Variants in ZFHX3 observed in about 807,000 individuals in gnomAD.
ZFHX3 encodes the protein zinc finger homeobox protein 3.
In ZFHX3, 42 loss-of-function variants were observed where a neutral mutation model predicts 279.1. The observed-to-expected ratio is 0.15, with a 90% CI of 0.12 to 0.19. The LOEUF (loss-of-function observed/expected upper bound fraction) is 0.19, where lower values mean the gene tolerates loss of function less well. Among genes scored for constraint, ZFHX3 ranks in the 10% least tolerant of loss-of-function variants. ZFHX3 has a pLI of 1.00. For missense variants in ZFHX3, 4,981 were observed against 4,754.0 expected (o/e 1.05, Z -1.40); for synonymous variants, 2,293 against 1,957.8 (o/e 1.17, Z -4.52).
At chr16:73,695,952 A>G (rs1012931478) in intron 1 of ZFHX3, among the ~76,000 whole-genome samples, 1 of 152,226 alleles carries the variant, frequency 6.6e-6, no homozygotes, top group Admixed American at 6.5e-5. Context: ...AGGGAGGTGG[A>G]AACTGTCTTA....
At chr16:72,924,973 C>T (rs1331204019) in intron 3 of ZFHX3, among the ~76,000 whole-genome samples, 1 of 152,152 alleles carries the variant, frequency 6.6e-6, no homozygotes, top group Non-Finnish European at 1.5e-5. Context: ...CTTACTCCGG[C>T]GCCCCAGCTG....
At position 73,462,816 on chromosome 16, in the gene ZFHX3, C is replaced by T. The variant is rs544067054; in HGVS notation, c.-1546-6558G>A. Among the ~76,000 whole-genome samples the T allele has an allele frequency of 7.2e-5, 11 of 152,170 alleles. 1 individual carries two copies. In the South Asian group the frequency reaches 1.2e-3, roughly 17 times the overall value. ...ATTATATAATGTTGAATTCTATTTG[C>T]GAACACTTTGTTAAAGATTTTTGCC... is the stretch of plus-strand genomic sequence containing the variant. On this transcript the variant is annotated intron_variant, in intron 2 of 17. Coordinates refer to the ZFHX3 transcript ENST00000641206.
At chr16:73,459,652 G>C (rs946632278) in intron 2 of ZFHX3, among the ~76,000 whole-genome samples, 3 of 152,194 alleles carry the variant, frequency 2.0e-5, no homozygotes, top group Non-Finnish European at 4.4e-5. Context: ...ACAGGTGTGA[G>C]CCACCACGCC....
chr16:73,670,549 G>C (rs2052894627), intron 2 of ZFHX3, among the ~76,000 whole-genome samples: 2 of 152,150 alleles, frequency 1.3e-5, no homozygotes, highest in Admixed American at 6.5e-5. Flanking sequence ...TAGAAATGTA[G>C]CATGAAGATT....
At chr16:73,591,285 A>G (rs1254128415) in intron 2 of ZFHX3, among the ~76,000 whole-genome samples, 15 of 151,942 alleles carry the variant, frequency 9.9e-5, no homozygotes. Context: ...TCCAGGAGGC[A>G]GAGGTTGCTG....
intron 2 of ZFHX3, among the ~76,000 whole-genome samples, chr16:73,525,783 C>G (rs1250214511): frequency 6.6e-6 from 1 of 152,176 alleles, no homozygotes; most frequent in Non-Finnish European, 1.5e-5. Context: ...CCCTTGCAAC[C>G]TTTTAATATT....
At chr16:73,201,992 G>C (rs1035671579) in intron 5 of ZFHX3, among the ~76,000 whole-genome samples, 7 of 152,210 alleles carry the variant, frequency 4.6e-5, no homozygotes, top group African/African-American at 1.7e-4. Context: ...CTTCTCTGAA[G>C]ATTGACAAAA....
chr16:73,603,150 T>C (rs1454207939), intron 2 of ZFHX3, among the ~76,000 whole-genome samples: 4 of 151,474 alleles, frequency 2.6e-5, no homozygotes, highest in Non-Finnish European at 4.4e-5. Context: ...CCGGGCGCAG[T>C]GGCGGGCGTC....
chr16:73,173,008 G>GTTTTTTTTTTTTTTTTTTTTTTTT (rs869289153), intron 5 of ZFHX3, among the ~76,000 whole-genome samples: 1 of 49,946 alleles, frequency 2.0e-5, no homozygotes, highest in Non-Finnish European at 3.2e-5. Flanking sequence ...TTTTTTTTTT[G>GTTTTTTTTTTTTTTTTTTTTTTTT]TTTTTTTTTT....
At chr16:73,398,470 C>A (rs1448649748) in intron 3 of ZFHX3, among the ~76,000 whole-genome samples, 1 of 152,184 alleles carries the variant, frequency 6.6e-6, no homozygotes, top group African/African-American at 2.4e-5. Flanking sequence ...CTGGTGCCGG[C>A]CTGCACTGGC....
intron 1 of ZFHX3, among the ~76,000 whole-genome samples, chr16:73,005,233 G>A (rs944741314): frequency 8.5e-5 from 13 of 152,174 alleles, no homozygotes; most frequent in Non-Finnish European, 8.8e-5. Flanking sequence ...AGTGGCTCAC[G>A]TCTTATAATG....
At chr16:73,093,239 C>T (rs779902179) in exon 8 of ZFHX3, 8 of 514,688 alleles carry the variant, frequency 1.6e-5, no homozygotes, top group Middle Eastern at 3.2e-4. Context: ...TCCTACCTGG[C>T]GTTGACTTCC....
chr16:73,792,066 G>GT (rs1483071867), intron 1 of ZFHX3, among the ~76,000 whole-genome samples: 1 of 152,164 alleles, frequency 6.6e-6, no homozygotes, highest in Non-Finnish European at 1.5e-5. Context: ...ATCCAGGTGT[G>GT]TTCTGACCTG....
At chr16:73,349,829 C>T (rs1233316518) in intron 3 of ZFHX3, among the ~76,000 whole-genome samples, 1 of 122,798 alleles carries the variant, frequency 8.1e-6, no homozygotes, top group Admixed American at 8.3e-5. Context: ...CCCTCCCTTT[C>T]TCCCTTCCTT....
At chr16:73,762,870 C>G (rs898085480) in intron 1 of ZFHX3, among the ~76,000 whole-genome samples, 1 of 152,048 alleles carries the variant, frequency 6.6e-6, no homozygotes, top group African/African-American at 2.4e-5. Context: ...ATAGCTAATA[C>G]ATGCTGGGCT....
chr16:73,883,665 C>G (rs1381133678), intron 1 of ZFHX3, among the ~76,000 whole-genome samples: 1 of 151,738 alleles, frequency 6.6e-6, no homozygotes, highest in Non-Finnish European at 1.5e-5. Context: ...AAAAGTGTGG[C>G]CAGCTACTAG....
exon 1 of ZFHX3, chr16:73,058,918 A>AGGCGGCGGC (rs532710699): frequency 6.6e-6 from 1 of 150,868 alleles, no homozygotes; most frequent in Non-Finnish European, 1.3e-5. Context: ...GATGCAAAGC[A>AGGCGGCGGC]GGCGGCGGCG....
intron 1 of ZFHX3, among the ~76,000 whole-genome samples, chr16:73,814,817 C>T (rs75748199): frequency 0.18 from 26,988 of 151,948 alleles, 2,683 homozygotes; most frequent in East Asian, 0.42. Flanking sequence ...ATGTGCCCAC[C>T]TCGGCCTCCC....
chr16:73,222,272 TATATC>T (rs1257361773), intron 5 of ZFHX3, among the ~76,000 whole-genome samples: 1 of 152,066 alleles, frequency 6.6e-6, no homozygotes, highest in Non-Finnish European at 1.5e-5. Flanking sequence ...TACTTTGCCT[TATATC>T]ATAAGATTTT....
Sources: allele counts gnomAD v4.1 joint callset (sites outside exome capture counted in the v4.1 genomes callset), GRCh38; gene constraint gnomAD v4.1.1; transcripts MANE v1.5; gene names NCBI Gene and HGNC (gene_info 2026-07-23, HGNC 2026-07-21).